RB1: variants seen among roughly 807,000 people sequenced by gnomAD.
RB1 encodes RB transcriptional corepressor 1, also known as retinoblastoma-associated protein.
RB1 carries 18 observed loss-of-function variants against 135.4 expected under a neutral mutation model. That is an observed-to-expected ratio of 0.13 (90% CI 0.09 to 0.20). RB1 has a LOEUF of 0.20. Among genes scored for constraint, RB1 ranks in the 10% least tolerant of loss-of-function variants. RB1 has a pLI of 1.00. For missense variants in RB1, 868 were observed against 1,110.0 expected, an observed-to-expected ratio of 0.78 and a Z score of 3.10; for synonymous variants, 365 against 373.2, an observed-to-expected ratio of 0.98 and a Z score of 0.25.
chr13:48,369,372 G>C (rs552613986), intron 11 of RB1, among the ~76,000 whole-genome samples: 1 of 152,098 alleles, frequency 6.6e-6, no homozygotes, highest in Non-Finnish European at 1.5e-5. Context: ...TTTTGCAGTA[G>C]CCTACTACCT....
At chr13:48,446,821 G>T (rs1488968172) in intron 17 of RB1, among the ~76,000 whole-genome samples, 2 of 151,912 alleles carry the variant, frequency 1.3e-5, no homozygotes, top group African/African-American at 4.9e-5. Flanking sequence ...GTATCAAGGG[G>T]CCAGAACTCA....
At chr13:48,479,167 G>A (rs957250396) in intron 26 of RB1, among the ~76,000 whole-genome samples, 2 of 152,126 alleles carry the variant, frequency 1.3e-5, no homozygotes, top group African/African-American at 4.8e-5. Context: ...GGTCAAAGCT[G>A]TAGTGAGCCA....
chr13:48,475,251 G>A lies in RB1; in HGVS notation c.2521-1450G>A, dbSNP rs900557161. ...ATAATACATTACCCCCAAACTTAGT[G>A]ACTTAAAACAAACGCTTATTATCTC... is the stretch of plus-strand genomic sequence containing the variant. On this transcript the variant is annotated intron_variant, in intron 24 of 26. Coordinates refer to ENST00000267163, the MANE Select transcript of RB1 (RefSeq NM_000321.3). Among the ~76,000 whole-genome samples the A allele has an allele frequency of 7.2e-5, 11 of 152,286 alleles. No homozygotes were observed. In the South Asian group the frequency reaches 2.3e-3, roughly 32 times the overall value.
At chr13:48,347,383 A>G (rs1024226140) in intron 4 of RB1, among the ~76,000 whole-genome samples, 1 of 152,148 alleles carries the variant, frequency 6.6e-6, no homozygotes, top group African/African-American at 2.4e-5. Context: ...AGAAGGGATC[A>G]GATTGGTAGT....
chr13:48,473,251 A>G lies in RB1; in HGVS notation c.2490-109A>G, dbSNP rs571366105. On this transcript the variant is annotated intron_variant, in intron 23 of 26. Transcript: ENST00000267163. Reference sequence around the variant, plus strand: ...TGTCAGTGGTTCTAGGGTAGAGGTAACCTTTAATTTGGTATTCCTAATAGT... The same window carrying G: ...TGTCAGTGGTTCTAGGGTAGAGGTAGCCTTTAATTTGGTATTCCTAATAGT... 1.2e-5 allele frequency: 10 copies of G among 852,124 alleles called. No homozygotes were observed. The South Asian group carries it at 1.3e-4, about 11-fold the overall frequency. 52.8% of individuals were successfully genotyped at this position (852,124 alleles called of 1,614,324 possible).
intron 17 of RB1, among the ~76,000 whole-genome samples, chr13:48,386,059 G>T (rs1356683377): frequency 1.3e-5 from 1 of 76,946 alleles, no homozygotes; most frequent in Non-Finnish European, 2.9e-5. Flanking sequence ...AAAAAAAAAA[G>T]CTAGGTGTGA....
intron 2 of RB1, among the ~76,000 whole-genome samples, chr13:48,313,263 A>T (rs1180150026): frequency 1.3e-5 from 2 of 151,792 alleles, no homozygotes; most frequent in Non-Finnish European, 2.9e-5. Context: ...CTCTTATAAG[A>T]TATATTATTT....
At chr13:48,475,880 A>T (rs559038628) in intron 24 of RB1, among the ~76,000 whole-genome samples, 55 of 152,316 alleles carry the variant, frequency 3.6e-4, no homozygotes, top group African/African-American at 1.3e-3. Flanking sequence ...GGGACCTTAT[A>T]AGGACAGTTG....
intron 17 of RB1, among the ~76,000 whole-genome samples, chr13:48,428,753 A>G (rs1313355873): frequency 1.3e-5 from 2 of 152,216 alleles, no homozygotes; most frequent in Non-Finnish European, 2.9e-5. Flanking sequence ...TTGCATTTGT[A>G]CATAGTAATG....
At chr13:48,395,946 T>A (rs1028105192) in intron 17 of RB1, among the ~76,000 whole-genome samples, 10 of 151,952 alleles carry the variant, frequency 6.6e-5, no homozygotes, top group Non-Finnish European at 1.5e-5. Context: ...TCACCAAGGT[T>A]GAAATGAAGG....
intron 2 of RB1, among the ~76,000 whole-genome samples, chr13:48,341,587 T>G (rs1261674671): frequency 6.6e-6 from 1 of 152,040 alleles, no homozygotes; most frequent in African/African-American, 2.4e-5. Context: ...ATTGTCAGTC[T>G]TTTACATTTT....
chr13:48,368,388 A>G (rs1201992801), intron 10 of RB1, 139 bp from the exon 11 acceptor site: 23 of 1,107,906 alleles, frequency 2.1e-5, no homozygotes, highest in East Asian at 2.8e-5. Context: ...TGGGTCATCT[A>G]TTTTCTATCC....
chr13:48,379,983 A>T (rs1199376591), intron 14 of RB1, 70 bp from the exon 15 acceptor site: 2 of 920,266 alleles, frequency 2.2e-6, no homozygotes, highest in Non-Finnish European at 1.5e-6. Context: ...AAAAAAAAAA[A>T]TTCAATGCTG....
At chr13:48,369,623 CTG>C (rs1235071025) in intron 11 of RB1, among the ~76,000 whole-genome samples, 1 of 152,214 alleles carries the variant, frequency 6.6e-6, no homozygotes, top group Non-Finnish European at 1.5e-5. Flanking sequence ...CTTTCTCACT[CTG>C]TGTTAGCCAC....
intron 23 of RB1, among the ~76,000 whole-genome samples, chr13:48,466,119 A>C (rs999856731): frequency 1.3e-5 from 2 of 149,588 alleles, no homozygotes; most frequent in Admixed American, 6.7e-5. Flanking sequence ...ACAGACAAAC[A>C]AAAAGACAGC....
intron 2 of RB1, among the ~76,000 whole-genome samples, chr13:48,310,383 G>A (rs957929733): frequency 1.3e-5 from 2 of 152,094 alleles, no homozygotes; most frequent in South Asian, 4.1e-4. Flanking sequence ...TAGAGGATGG[G>A]TTAAGAGCAA....
intron 12 of RB1, among the ~76,000 whole-genome samples, chr13:48,376,006 A>G (rs1952818132): frequency 6.6e-6 from 1 of 151,872 alleles, no homozygotes; most frequent in South Asian, 2.1e-4. Flanking sequence ...TTTATATATC[A>G]TAATATGAAT....
At chr13:48,329,165 A>C (rs1374512527) in intron 2 of RB1, among the ~76,000 whole-genome samples, 12 of 152,238 alleles carry the variant, frequency 7.9e-5, no homozygotes, top group Admixed American at 7.9e-4. Context: ...AGAATATAAA[A>C]TAAACATTTC....
chr13:48,331,712 C>T (rs1952338318), intron 2 of RB1, among the ~76,000 whole-genome samples: 1 of 152,164 alleles, frequency 6.6e-6, no homozygotes. Flanking sequence ...AAAACTAAAA[C>T]TACCACATGA....
Sources: allele counts gnomAD v4.1 joint callset (sites outside exome capture counted in the v4.1 genomes callset), GRCh38; gene constraint gnomAD v4.1.1; transcripts MANE v1.5; gene names NCBI Gene and HGNC (gene_info 2026-07-23, HGNC 2026-07-21).